The following CFAP54 variants were observed in gnomAD, a reference collection of about 807,000 sequenced individuals.
CFAP54 encodes cilia- and flagella-associated protein 54.
In CFAP54, 290 loss-of-function variants were observed where a neutral mutation model predicts 370.4. The observed-to-expected ratio is 0.78, with a 90% confidence interval of 0.71 to 0.86. The LOEUF is 0.86. CFAP54 is among the 40% of genes least tolerant of loss of function. The probability of loss-of-function intolerance (pLI) is 0.00; values close to 1 mark genes in which losing one functional copy is unlikely to be tolerated. For synonymous variants in CFAP54, 1,206 were observed against 1,236.5 expected, an observed-to-expected ratio of 0.98 and a Z score of 0.52; for missense variants, 3,399 against 3,528.7, an observed-to-expected ratio of 0.96 and a Z score of 0.93.
In CFAP54 at chr12:96,664,622, ATGTGTGTG is replaced by A. The variant is rs55839375; in HGVS notation, c.5563+718_5563+725del. 6.5e-3 allele frequency among the ~76,000 whole-genome samples: 746 copies of A among 115,182 alleles called. 5 individuals carry two copies. Among genetic ancestry groups the A allele is most frequent in the African/African-American group, 0.015 (428 of 28,234 alleles). 75.6% of individuals were successfully genotyped at this position (115,182 alleles called of 152,430 possible). On this transcript the variant is annotated intron_variant, in intron 39 of 67. Coordinates refer to ENST00000524981, the MANE Select transcript of CFAP54 (RefSeq NM_001306084.2). ...TCCAGCTGTGCCTTACCAAGAACGT[ATGTGTGTG>A]TGTGTGTGTGTGTGTGTGTGTGTGT...
rs1957311866 is a variant in CFAP54 at position 96,685,060 on chromosome 12, G to C, written c.5836G>C (p.Asp1946His). Reference protein sequence around the residue: ...AAFKCWCQALDDIFRKPDVLH... With the variant: ...AAFKCWCQALHDIFRKPDVLH... ...TTTTAAGTGTTGGTGTCAAGCTCTTGATGACATATTCAGAAAACCAGACGT... is the reference window on the plus strand; with the variant it reads ...TTTTAAGTGTTGGTGTCAAGCTCTTCATGACATATTCAGAAAACCAGACGT... The change falls in exon 42 of 68, where the codon GAT becomes CAT. Residue 1946 changes from aspartate to histidine, a missense_variant. By Grantham distance (81) the Asp-to-His change is moderately conservative. Coordinates refer to ENST00000524981, the MANE Select transcript of CFAP54 (RefSeq NM_001306084.2). 1 of 1,613,914 alleles carries C rather than the reference G, an allele frequency of 6.2e-7. No individual in the cohort carries two copies. Among genetic ancestry groups the C allele is most frequent in the Admixed American group, 1.7e-5 (1 of 59,990 alleles).
At chr12:96,752,826 G>A (rs946070556) in intron 55 of CFAP54, among the ~76,000 whole-genome samples, 1 of 152,212 alleles carries the variant, frequency 6.6e-6, no homozygotes, top group Non-Finnish European at 1.5e-5. Flanking sequence ...GTGCAATGTT[G>A]TAGTTTAGAG....
At chr12:96,753,659 G>T in intron 55 of CFAP54, 84 bp from the exon 56 acceptor site, 1 of 1,314,404 alleles carries the variant, frequency 7.6e-7, no homozygotes, top group South Asian at 1.4e-5. Context: ...TTTCATTACT[G>T]TGAGAGCAGT....
At chr12:96,857,954 A>G (rs116439699) in intron 66 of CFAP54, among the ~76,000 whole-genome samples, 2,320 of 152,268 alleles carry the variant, frequency 0.015, 72 homozygotes, top group African/African-American at 0.054. Flanking sequence ...TAGTGTTGCA[A>G]TGAACATTTG....
At chr12:96,590,089 A>G (rs1956110958) in intron 23 of CFAP54, among the ~76,000 whole-genome samples, 2 of 152,220 alleles carry the variant, frequency 1.3e-5, no homozygotes. Flanking sequence ...CTAGAGGCAT[A>G]AGGTTGAAGG....
At chr12:96,636,037 G>A (rs1438529441) in intron 32 of CFAP54, among the ~76,000 whole-genome samples, 1 of 152,142 alleles carries the variant, frequency 6.6e-6, no homozygotes, top group Non-Finnish European at 1.5e-5. Context: ...CTCTAATCAT[G>A]TGTTCAGTGA....
In CFAP54 at chr12:96,491,547, A is replaced by G. The variant is rs138668091; in HGVS notation, c.317+1621A>G. ...GGATTGAGCCCTGGGATGCTCCAGCATGGACAGGGAGAGGCAATAAGAAGA... is the reference window on the plus strand; with the variant it reads ...GGATTGAGCCCTGGGATGCTCCAGCGTGGACAGGGAGAGGCAATAAGAAGA... On this transcript the variant is annotated intron_variant, in intron 1 of 67. Transcript: ENST00000524981. Among the ~76,000 whole-genome samples, 572 of 152,332 alleles carry G rather than the reference A, an allele frequency of 3.8e-3. 1 individual carries two copies. Among genetic ancestry groups the G allele is most frequent in the Non-Finnish European group, 6.4e-3 (435 of 68,032 alleles).
rs35984233 is a variant in CFAP54, at chr12:96,733,542, G to GTTT, written c.6966-6399_6966-6397dup. On this transcript the variant is annotated intron_variant, in intron 50 of 67. Transcript: ENST00000524981. The stretch of plus-strand genomic sequence containing the variant: ...GCCTCTTTCTTTCAAAATCCTGTGG[G>GTTT]TTTTTTTTTTTTTTTTTAATAAGTG... Among the ~76,000 whole-genome samples the GTTT allele has an allele frequency of 4.8e-3, 666 of 139,040 alleles. 6 individuals are homozygous for GTTT. Among genetic ancestry groups the GTTT allele is most frequent in the African/African-American group, 0.015 (584 of 38,300 alleles). 91.2% of individuals were successfully genotyped at this position (139,040 alleles called of 152,430 possible). A position where few individuals can be genotyped will look rare whatever the true frequency, so the allele number is the denominator to read the frequency against.
At chr12:96,679,469 A>G (rs1957246689) in intron 39 of CFAP54, 131 bp from the exon 40 acceptor site, 4 of 821,886 alleles carry the variant, frequency 4.9e-6, no homozygotes, top group Non-Finnish European at 7.0e-6. Context: ...CACCTGCTGC[A>G]GATCTGGGGG....
rs1407264962 is a variant in CFAP54, at chr12:96,658,439, T to G, written c.5460+93T>G. 3 of 1,405,524 alleles carry G rather than the reference T, an allele frequency of 2.1e-6. No homozygotes were observed. In the African/African-American group the frequency reaches 4.3e-5, roughly 20 times the overall value. The allele number at this position is 1,405,524 out of a possible 1,614,324, so 87.1% of individuals were successfully genotyped here. ...AGATTTAGAAGTCAGATAAATCTTA[T>G]TATTTCTGCTTTAGTATTTCCACTT... On this transcript the variant is annotated intron_variant, in intron 38 of 67. Transcript: ENST00000524981.
chr12:96,862,088 T>C (rs1211530206), intron 67 of CFAP54, among the ~76,000 whole-genome samples: 1 of 152,174 alleles, frequency 6.6e-6, no homozygotes, highest in African/African-American at 2.4e-5. Context: ...TCTCCTTTGA[T>C]AATATAAGAA....
intron 26 of CFAP54, among the ~76,000 whole-genome samples, chr12:96,620,781 G>A (rs988207510): frequency 6.6e-6 from 1 of 152,208 alleles, no homozygotes; most frequent in African/African-American, 2.4e-5. Flanking sequence ...GTTGATGCTA[G>A]AGCCAAGGTT....
At chr12:96,771,512 C>T (rs748842728) in intron 60 of CFAP54, among the ~76,000 whole-genome samples, 74 of 152,246 alleles carry the variant, frequency 4.9e-4, no homozygotes, top group Non-Finnish European at 4.6e-4. Flanking sequence ...ATTAGCCAGG[C>T]GCGGTGGTGG....
intron 36 of CFAP54, among the ~76,000 whole-genome samples, chr12:96,652,166 G>A (rs1382412843): frequency 6.6e-6 from 1 of 152,166 alleles, no homozygotes; most frequent in African/African-American, 2.4e-5. Flanking sequence ...TGATCAGCTG[G>A]TCTTTATTCC....
At chr12:96,578,252 G>A (rs1444262448) in intron 20 of CFAP54, among the ~76,000 whole-genome samples, 4 of 152,148 alleles carry the variant, frequency 2.6e-5, no homozygotes, top group Admixed American at 6.5e-5. Flanking sequence ...ATGGCAAATG[G>A]ACATCAGTGA....
At chr12:96,523,558 C>T (rs11108567) in intron 8 of CFAP54, among the ~76,000 whole-genome samples, 1 of 152,282 alleles carries the variant, frequency 6.6e-6, no homozygotes, top group East Asian at 1.9e-4. Context: ...AGCTATATCC[C>T]TTACTAACCA....
In CFAP54 at chr12:96,564,653, T is replaced by C. The variant is rs535043484; in HGVS notation, c.2507T>C (p.Ile836Thr). ...GSTDCFTELN[I>T]MNKIKKNTLS... Reference sequence around the variant, plus strand: ...ATGTTTGTTTTTATAGAATTAAATATAATGAATAAAATAAAGAAGAATACA... The same window carrying C: ...ATGTTTGTTTTTATAGAATTAAATACAATGAATAAAATAAAGAAGAATACA... Residue 836 changes from isoleucine (I) to threonine (T), a missense_variant, in exon 19 of 68, where the codon ATA (isoleucine) becomes ACA (threonine). Physicochemically the swap from Ile to Thr is moderately conservative, Grantham distance 89 (BLOSUM62 -1). Transcript: ENST00000524981. 2.2e-5 allele frequency: 14 copies of C among 641,698 alleles called. No homozygotes were observed. Among genetic ancestry groups the C allele is most frequent in the Middle Eastern group, 3.6e-4 (1 of 2,758 alleles). The allele number at this position is 641,698 out of a possible 1,614,324, so 39.8% of individuals were successfully genotyped here. A position where few individuals can be genotyped will look rare whatever the true frequency, so the allele number is the denominator to read the frequency against.
At chr12:96,709,546 A>G (rs996610292) in intron 48 of CFAP54, among the ~76,000 whole-genome samples, 1 of 152,018 alleles carries the variant, frequency 6.6e-6, no homozygotes, top group Non-Finnish European at 1.5e-5. Flanking sequence ...TTATCATTGA[A>G]AGGGTGTTGA....
intron 47 of CFAP54, among the ~76,000 whole-genome samples, chr12:96,706,775 AC>A (rs1957551763): frequency 6.6e-6 from 1 of 151,236 alleles, no homozygotes; most frequent in Non-Finnish European, 1.5e-5. Context: ...CAAAGCACTT[AC>A]ATTGTGTGTG....
Sources: allele counts gnomAD v4.1 joint callset (sites outside exome capture counted in the v4.1 genomes callset), GRCh38; gene constraint gnomAD v4.1.1; transcripts MANE v1.5; gene names NCBI Gene and HGNC (gene_info 2026-07-23, HGNC 2026-07-21).